Variants in TLN2 observed in about 807,000 individuals in gnomAD.
The protein encoded by TLN2 is talin-2.
TLN2 carries 118 observed loss-of-function variants against 294.7 expected under a neutral mutation model. The observed-to-expected ratio is 0.40, with a 90% CI of 0.34 to 0.47. The LOEUF (loss-of-function observed/expected upper bound fraction) is 0.47. Ranked by LOEUF, TLN2 falls within the 20% of genes least tolerant of loss-of-function variation. The probability of loss-of-function intolerance (pLI) is 0.84; values close to 1 mark genes in which losing one functional copy is unlikely to be tolerated. For missense variants in TLN2, 3,083 were observed against 3,282.2 expected (o/e 0.94, Z 1.48); for synonymous variants, 1,431 against 1,304.5 (o/e 1.10, Z -2.09).
intron 52 of TLN2, 151 bp downstream of exon 52, chr15:62,810,183 CT>C: frequency 2.9e-6 from 2 of 695,616 alleles, no homozygotes; most frequent in East Asian, 2.7e-5. Context: ...GGAATCTCCC[CT>C]GATGCACTGA....
At position 62,842,182 on chromosome 15, in the gene TLN2, AT is replaced by A. The variant is rs2070775920; in HGVS notation, c.*1573del. 1 of 152,020 alleles carries A rather than the reference AT, an allele frequency of 6.6e-6. No individual in the cohort carries two copies. Among genetic ancestry groups the A allele is most frequent in the Admixed American group, 6.5e-5 (1 of 15,272 alleles). 9.4% of individuals were successfully genotyped at this position (152,020 alleles called of 1,614,324 possible). A position where few individuals can be genotyped will look rare whatever the true frequency, so the allele number is the denominator to read the frequency against. On this transcript the variant is annotated 3_prime_UTR_variant, in exon 59 of 59. Transcript: ENST00000636159. ...AGCTTCCCATATTTATAAGTTACTT[AT>A]AAGTGCTGCACGTATTAGAATTTTT... is the stretch of plus-strand genomic sequence containing the variant.
intron 2 of TLN2, among the ~76,000 whole-genome samples, chr15:62,605,177 T>A (rs1222439413): frequency 6.6e-6 from 1 of 152,192 alleles, no homozygotes; most frequent in East Asian, 1.9e-4. Flanking sequence ...AATTTTCTCA[T>A]GTTTATGAAT....
intron 1 of TLN2, among the ~76,000 whole-genome samples, chr15:62,437,920 G>A (rs1051388724): frequency 3.9e-5 from 6 of 152,110 alleles, no homozygotes; most frequent in African/African-American, 7.2e-5. Context: ...GCAATGCAAC[G>A]GATTGATTTA....
chr15:62,785,342 C>A (rs1045776963), intron 45 of TLN2, among the ~76,000 whole-genome samples: 3 of 152,108 alleles, frequency 2.0e-5, no homozygotes, highest in African/African-American at 7.2e-5. Context: ...AAGGGAACTT[C>A]TGTTACAGTA....
At chr15:62,687,446 G>A (rs1426530597) in intron 12 of TLN2, among the ~76,000 whole-genome samples, 1 of 152,198 alleles carries the variant, frequency 6.6e-6, no homozygotes, top group African/African-American at 2.4e-5. Context: ...GGAAAGTAGT[G>A]AGAATATGTT....
At chr15:62,839,373 C>T (rs1307296406) in intron 58 of TLN2, among the ~76,000 whole-genome samples, 4 of 152,100 alleles carry the variant, frequency 2.6e-5, no homozygotes, top group Non-Finnish European at 1.5e-5. Context: ...GTAGCATTTG[C>T]CTAGATAAAA....
At chr15:62,701,339 C>G (rs937381871) in intron 17 of TLN2, 125 bp downstream of exon 17, 6 of 822,694 alleles carry the variant, frequency 7.3e-6, no homozygotes, top group South Asian at 1.9e-5. Flanking sequence ...AGAGGATAGT[C>G]TAAGGCACTT....
chr15:62,835,638 G>A (rs1227323724), intron 55 of TLN2, 99 bp from the exon 56 acceptor site: 46 of 1,329,584 alleles, frequency 3.5e-5, no homozygotes, highest in East Asian at 4.6e-5. Context: ...GGCACCAAGC[G>A]GGGTACAAGT....
intron 45 of TLN2, among the ~76,000 whole-genome samples, chr15:62,787,605 T>C (rs1242982184): frequency 6.6e-6 from 1 of 152,048 alleles, no homozygotes; most frequent in East Asian, 1.9e-4. Flanking sequence ...TAAACACTGG[T>C]AGTTCGTTGG....
At chr15:62,577,607 C>T (rs558014766) in intron 1 of TLN2, among the ~76,000 whole-genome samples, 25 of 152,050 alleles carry the variant, frequency 1.6e-4, no homozygotes, top group Non-Finnish European at 2.8e-4. Flanking sequence ...TAATTTTGGC[C>T]GTGAGTTAGT....
intron 46 of TLN2, among the ~76,000 whole-genome samples, chr15:62,793,595 C>T (rs1235818051): frequency 3.9e-5 from 6 of 152,120 alleles, no homozygotes; most frequent in Non-Finnish European, 5.9e-5. Context: ...TCTTTTTCCC[C>T]AGGCAGTTTT....
chr15:62,560,529 A>G (rs57794292), intron 1 of TLN2, among the ~76,000 whole-genome samples: 64,039 of 152,064 alleles, frequency 0.42, 13,769 homozygotes, highest in East Asian at 0.54. Flanking sequence ...GTTTCATCAT[A>G]TTGGCCGGGC....
chr15:62,689,719 C>T (rs1038268857), intron 12 of TLN2, among the ~76,000 whole-genome samples: 1 of 151,568 alleles, frequency 6.6e-6, no homozygotes, highest in Admixed American at 6.6e-5. Context: ...TTTCTTACCT[C>T]CATGGTTTCT....
At chr15:62,482,392 C>T (rs146959980) in intron 1 of TLN2, among the ~76,000 whole-genome samples, 1,876 of 151,334 alleles carry the variant, frequency 0.012, 42 homozygotes, top group African/African-American at 0.044. Context: ...CACCTGAGGT[C>T]GGGAGTTTGA....
chr15:62,836,414 C>T (rs529114632), intron 57 of TLN2, among the ~76,000 whole-genome samples: 20 of 152,332 alleles, frequency 1.3e-4, no homozygotes, highest in Admixed American at 1.0e-3. Flanking sequence ...TTGAGAGCCC[C>T]TAGCCAGACC....
intron 1 of TLN2, among the ~76,000 whole-genome samples, chr15:62,439,472 C>A (rs2035445812): frequency 6.6e-6 from 1 of 152,128 alleles, no homozygotes; most frequent in Non-Finnish European, 1.5e-5. Context: ...ACCACCACGC[C>A]CGGCTAATTT....
intron 11 of TLN2, among the ~76,000 whole-genome samples, chr15:62,681,961 C>A (rs1019564929): frequency 6.6e-6 from 1 of 152,036 alleles, no homozygotes; most frequent in African/African-American, 2.4e-5. Context: ...CCTTATGTTG[C>A]TCAGTCTGGT....
At chr15:62,435,484 A>G (rs2035240555) in intron 1 of TLN2, among the ~76,000 whole-genome samples, 2 of 151,698 alleles carry the variant, frequency 1.3e-5, no homozygotes, top group Non-Finnish European at 2.9e-5. Flanking sequence ...TCTGCTGTCT[A>G]TTTGTCTATT....
At chr15:62,622,275 G>A (rs2048896773) in intron 3 of TLN2, among the ~76,000 whole-genome samples, 2 of 152,152 alleles carry the variant, frequency 1.3e-5, no homozygotes, top group South Asian at 4.2e-4. Flanking sequence ...AACCTTCTGA[G>A]GTACAAAAGG....
Sources: allele counts gnomAD v4.1 joint callset (sites outside exome capture counted in the v4.1 genomes callset), GRCh38; gene constraint gnomAD v4.1.1; transcripts MANE v1.5; gene names NCBI Gene and HGNC (gene_info 2026-07-23, HGNC 2026-07-21).